The following PCDH15 variants were observed in gnomAD, a reference collection of about 807,000 sequenced individuals.
PCDH15 encodes the protein protocadherin-15.
In PCDH15, 129 loss-of-function variants were observed where a neutral mutation model predicts 178.5. The observed-to-expected ratio is 0.72, with a 90% CI of 0.63 to 0.84. The LOEUF is 0.84. Ranked by LOEUF, PCDH15 falls within the 40% of genes least tolerant of loss-of-function variation. The probability of loss-of-function intolerance (pLI) is 0.00; values close to 1 mark genes in which losing one functional copy is unlikely to be tolerated. For synonymous variants in PCDH15, 800 were observed against 732.0 expected (o/e 1.09, Z -1.50); for missense variants, 2,230 against 2,099.9 (o/e 1.06, Z -1.21).
intron 3 of PCDH15, among the ~76,000 whole-genome samples, chr10:54,433,599 TAAGAAAGAAGCAACAAAA>T: frequency 6.6e-6 from 1 of 152,102 alleles, no homozygotes; most frequent in African/African-American, 2.4e-5. Context: ...TAAAAATTAG[TAAGAAAGAAGCAACAAAA>T]CCTAGTATTT....
intron 2 of PCDH15, among the ~76,000 whole-genome samples, chr10:55,425,483 A>G (rs899037005): frequency 1.3e-5 from 2 of 152,136 alleles, no homozygotes; most frequent in African/African-American, 2.4e-5. Flanking sequence ...TTCAGAAAAC[A>G]TACTATTTAT....
intron 2 of PCDH15, among the ~76,000 whole-genome samples, chr10:54,925,468 A>G (rs1837595158): frequency 6.6e-6 from 1 of 151,958 alleles, no homozygotes; most frequent in African/African-American, 2.4e-5. Context: ...ATAGTTCATT[A>G]TAGTTCTTTG....
chr10:53,838,634 A>G (rs1290626740), intron 29 of PCDH15, among the ~76,000 whole-genome samples: 1 of 152,210 alleles, frequency 6.6e-6, no homozygotes, highest in Non-Finnish European at 1.5e-5. Flanking sequence ...TATGCAAAAA[A>G]CACAGAATGC....
At chr10:54,472,908 GAA>G (rs2078016661) in intron 3 of PCDH15, among the ~76,000 whole-genome samples, 1 of 152,052 alleles carries the variant, frequency 6.6e-6, no homozygotes, top group African/African-American at 2.4e-5. Flanking sequence ...CTTCACAGTT[GAA>G]AAGAGTTATT....
At chr10:54,153,421 A>C in intron 13 of PCDH15, 128 bp from the exon 14 acceptor site, 1 of 1,013,966 alleles carries the variant, frequency 9.9e-7, no homozygotes, top group Non-Finnish European at 1.5e-6. Flanking sequence ...TGACATATAT[A>C]CTGTTTTTTG....
At position 53,995,744 on chromosome 10, in the gene PCDH15, C is replaced by A; in HGVS notation, c.2773G>T (p.Val925Phe). ...CCTTTGTATATTCGTTTACTAAAGA[C>A]AGGAGGATAATCATTCATATCCTGT... ...IVKDMNDYPPVFSKRIYKGMV... is the reference protein window; with the variant it reads ...IVKDMNDYPPFFSKRIYKGMV... The change falls in exon 21 of 38, where the codon GTC (valine) becomes TTC (phenylalanine). Residue 925 changes from valine to phenylalanine, a missense_variant. Val to Phe is a conservative substitution (Grantham distance 50). Coordinates refer to ENST00000644397, the MANE Select transcript of PCDH15 (RefSeq NM_001384140.1). The A allele has an allele frequency of 6.2e-7, 1 of 1,613,772 alleles. No homozygotes were observed. Among genetic ancestry groups the A allele is most frequent in the Non-Finnish European group, 8.5e-7 (1 of 1,179,762 alleles).
At chr10:55,237,543 C>A (rs1297478718) in intron 1 of PCDH15, among the ~76,000 whole-genome samples, 2 of 152,068 alleles carry the variant, frequency 1.3e-5, no homozygotes, top group African/African-American at 2.4e-5. Flanking sequence ...AGTAGATTAT[C>A]ATTATTTGTG....
chr10:54,896,541 A>T (rs1010531677), intron 3 of PCDH15, among the ~76,000 whole-genome samples: 1 of 152,106 alleles, frequency 6.6e-6, no homozygotes, highest in Admixed American at 6.6e-5. Context: ...TAGCTCCATG[A>T]ACTAGATTTT....
chr10:55,181,018 T>C (rs1839634526), intron 1 of PCDH15, among the ~76,000 whole-genome samples: 1 of 151,940 alleles, frequency 6.6e-6, no homozygotes, highest in Non-Finnish European at 1.5e-5. Flanking sequence ...GACACCTAGA[T>C]GATTAGGAAT....
At chr10:54,623,615 T>A (rs975548161) in intron 2 of PCDH15, among the ~76,000 whole-genome samples, 8 of 152,120 alleles carry the variant, frequency 5.3e-5, no homozygotes, top group Non-Finnish European at 1.2e-4. Flanking sequence ...AAATAAATAA[T>A]GCCATATTTT....
intron 7 of PCDH15, among the ~76,000 whole-genome samples, chr10:54,320,266 C>G (rs1264692591): frequency 6.6e-6 from 1 of 152,044 alleles, no homozygotes; most frequent in Non-Finnish European, 1.5e-5. Context: ...TTCTTACCTA[C>G]ATAAACATGA....
intron 22 of PCDH15, among the ~76,000 whole-genome samples, chr10:53,961,432 C>T (rs2088302806): frequency 1.3e-5 from 2 of 151,812 alleles, no homozygotes; most frequent in Admixed American, 1.3e-4. Flanking sequence ...TTGGCATAGA[C>T]AACATCATAT....
intron 2 of PCDH15, among the ~76,000 whole-genome samples, chr10:55,450,224 G>A (rs1683550458): frequency 6.6e-6 from 1 of 152,072 alleles, no homozygotes; most frequent in Admixed American, 6.6e-5. Context: ...GGACAGCTCA[G>A]CTCAGTGCAA....
intron 3 of PCDH15, among the ~76,000 whole-genome samples, chr10:54,512,892 T>C (rs2137818199): frequency 6.6e-6 from 1 of 152,216 alleles, no homozygotes; most frequent in East Asian, 1.9e-4. Flanking sequence ...GTGAAGATTT[T>C]ACCATCAAAA....
chr10:54,498,571 C>A (rs1470034065), intron 3 of PCDH15, among the ~76,000 whole-genome samples: 1 of 151,966 alleles, frequency 6.6e-6, no homozygotes, highest in African/African-American at 2.4e-5. Context: ...AACCCATAGG[C>A]TCTAAGTAAA....
intron 2 of PCDH15, among the ~76,000 whole-genome samples, chr10:55,091,377 C>A (rs1842312874): frequency 6.6e-6 from 1 of 152,016 alleles, no homozygotes; most frequent in African/African-American, 2.4e-5. Flanking sequence ...TTGCTAATAA[C>A]ATTTTACACC....
At chr10:54,003,091 A>T (rs528685317) in intron 20 of PCDH15, among the ~76,000 whole-genome samples, 1 of 152,336 alleles carries the variant, frequency 6.6e-6, no homozygotes, top group Non-Finnish European at 1.5e-5. Flanking sequence ...ATTCAATAGG[A>T]TATACTGAAA....
intron 32 of PCDH15, chr10:53,823,522 TAGAA>T (rs1355763966): frequency 6.3e-5 from 50 of 796,598 alleles, no homozygotes; most frequent in Non-Finnish European, 2.3e-5. Context: ...TCCCTGCTCT[TAGAA>T]AGGCAGGGCA....
chr10:53,956,939 C>T (rs754224430), intron 23 of PCDH15, among the ~76,000 whole-genome samples: 6 of 152,138 alleles, frequency 3.9e-5, no homozygotes, highest in Non-Finnish European at 5.9e-5. Context: ...ACAACACATT[C>T]GCATTTTTAA....
Sources: allele counts gnomAD v4.1 joint callset (sites outside exome capture counted in the v4.1 genomes callset), GRCh38; gene constraint gnomAD v4.1.1; transcripts MANE v1.5; gene names NCBI Gene and HGNC (gene_info 2026-07-23, HGNC 2026-07-21).